Variants in TENM4 observed in about 807,000 individuals in gnomAD.
The protein encoded by TENM4 is teneurin-4.
A neutral mutation model predicts 243.3 loss-of-function variants in TENM4; 82 were observed. The ratio of observed to expected loss-of-function variants is 0.34; its 90% CI spans 0.28 to 0.40. The LOEUF (loss-of-function observed/expected upper bound fraction) is 0.40. TENM4 is among the 10% of genes least tolerant of loss of function. The pLI is 1.00. For missense variants in TENM4, 3,138 were observed against 3,673.3 expected (o/e 0.85, Z 3.77); for synonymous variants, 1,412 against 1,456.3 (o/e 0.97, Z 0.69).
At chr11:79,056,308 A>G (rs1212738827) in intron 6 of TENM4, among the ~76,000 whole-genome samples, 1 of 152,114 alleles carries the variant, frequency 6.6e-6, no homozygotes, top group South Asian at 2.1e-4. Context: ...TTAATTTACC[A>G]TGGCTCTGAG....
chr11:79,304,719 G>A (rs2135403709), intron 1 of TENM4, among the ~76,000 whole-genome samples: 1 of 152,274 alleles, frequency 6.6e-6, no homozygotes, highest in Non-Finnish European at 1.5e-5. Context: ...GGCCAAAAGT[G>A]AAATCCTAAT....
chr11:79,362,007 G>A (rs1433033172), intron 1 of TENM4, among the ~76,000 whole-genome samples: 1 of 152,184 alleles, frequency 6.6e-6, no homozygotes, highest in Admixed American at 6.5e-5. Context: ...ACAAGTATCA[G>A]ATGTTGGAGC....
At chr11:79,326,431 T>A (rs2135436562) in intron 1 of TENM4, among the ~76,000 whole-genome samples, 1 of 152,272 alleles carries the variant, frequency 6.6e-6, no homozygotes, top group South Asian at 2.1e-4. Context: ...TCTCAAAGGC[T>A]TCCTTTTCTG....
chr11:79,373,326 C>CTGGA lies in TENM4; in HGVS notation c.-321+67182_-321+67183insTCCA, dbSNP rs1265923072. On this transcript the variant is annotated intron_variant, in intron 1 of 33. Coordinates refer to ENST00000278550, the MANE Select transcript of TENM4 (RefSeq NM_001098816.3). The stretch of plus-strand genomic sequence containing the variant: ...GCTGGCTGGCTGGCTGGCTGGCTGG[C>CTGGA]TGGCTGGATGGATGGATGGATGGAT... Among the ~76,000 whole-genome samples, 72 of 98,294 alleles carry CTGGA rather than the reference C, an allele frequency of 7.3e-4. 1 individual carries two copies. Among genetic ancestry groups the CTGGA allele is most frequent in the Non-Finnish European group, 1.4e-3 (66 of 46,838 alleles). The allele number at this position is 98,294 out of a possible 152,430, so 64.5% of individuals were successfully genotyped here.
chr11:79,119,943 C>T (rs1420490350), intron 4 of TENM4, among the ~76,000 whole-genome samples: 3 of 152,172 alleles, frequency 2.0e-5, no homozygotes, highest in Non-Finnish European at 2.9e-5. Context: ...GAATTATCTA[C>T]CCCAGCCTGA....
intron 25 of TENM4, among the ~76,000 whole-genome samples, chr11:78,713,275 AT>A (rs1859443358): frequency 6.6e-6 from 1 of 152,214 alleles, no homozygotes; most frequent in Admixed American, 6.5e-5. Flanking sequence ...TGTTACACTT[AT>A]CAGGAGCCCA....
intron 9 of TENM4, among the ~76,000 whole-genome samples, chr11:78,883,665 C>G (rs1203656154): frequency 6.6e-6 from 1 of 152,250 alleles, no homozygotes; most frequent in African/African-American, 2.4e-5. Context: ...TAATCTGAGG[C>G]TCTTCTGCAG....
intron 4 of TENM4, among the ~76,000 whole-genome samples, chr11:79,122,308 C>T (rs770062336): frequency 2.6e-5 from 4 of 152,096 alleles, no homozygotes; most frequent in African/African-American, 7.2e-5. Context: ...TTATATTTGT[C>T]GGGCACTGTT....
At position 79,221,729 on chromosome 11, in the gene TENM4, G is replaced by A. The variant is rs142803653; in HGVS notation, c.-264-5820C>T. On this transcript the variant is annotated intron_variant, in intron 2 of 33. Coordinates refer to ENST00000278550, the MANE Select transcript of TENM4 (RefSeq NM_001098816.3). ...CGGTGAGCAGCTGCATATTTTTAAT[G>A]CACACAAGGGGAAATAAAGGCAGCA... 1.5e-3 allele frequency among the ~76,000 whole-genome samples: 222 copies of A among 152,286 alleles called. 1 individual carries two copies. The highest frequency in any genetic ancestry group is 5.2e-3 in the African/African-American group (215 of 41,546).
At chr11:78,714,411 G>A (rs548283124) in intron 25 of TENM4, among the ~76,000 whole-genome samples, 242 of 139,026 alleles carry the variant, frequency 1.7e-3, no homozygotes, top group African/African-American at 7.1e-3. Flanking sequence ...CAGATCCAAT[G>A]CTTTCCTTCT....
At position 79,308,132 on chromosome 11, in the gene TENM4, C is replaced by T. The variant is rs75924069; in HGVS notation, c.-320-10589G>A. Among the ~76,000 whole-genome samples the T allele has an allele frequency of 2.7e-3, 414 of 152,342 alleles. 3 individuals are homozygous for T. The highest frequency in any genetic ancestry group is 9.4e-3 in the African/African-American group (390 of 41,582). The stretch of plus-strand genomic sequence containing the variant: ...GAGCTTGGCACTGAATGAGGAGCCA[C>T]GGGCCTAATCCTCAAGGAGTCTGGA... On this transcript the variant is annotated intron_variant, in intron 1 of 33. Coordinates refer to ENST00000278550, the MANE Select transcript of TENM4 (RefSeq NM_001098816.3).
intron 12 of TENM4, among the ~76,000 whole-genome samples, chr11:78,814,630 A>G (rs769848425): frequency 6.6e-6 from 1 of 152,230 alleles, no homozygotes; most frequent in Non-Finnish European, 1.5e-5. Flanking sequence ...AATTTTTATA[A>G]ATCAAATTTG....
At chr11:78,854,745 C>T (rs943580195) in intron 11 of TENM4, among the ~76,000 whole-genome samples, 7 of 151,992 alleles carry the variant, frequency 4.6e-5, no homozygotes, top group Non-Finnish European at 1.0e-4. Context: ...AGGCGGGTGG[C>T]TGGGACTGGG....
intron 3 of TENM4, among the ~76,000 whole-genome samples, chr11:79,209,615 G>C (rs1303251979): frequency 6.6e-6 from 1 of 152,224 alleles, no homozygotes; most frequent in Non-Finnish European, 1.5e-5. Flanking sequence ...TCTGAGTAGA[G>C]ACTGGAGGTG....
chr11:79,246,163 T>G (rs1319017543), intron 2 of TENM4, among the ~76,000 whole-genome samples: 1 of 152,062 alleles, frequency 6.6e-6, no homozygotes, highest in East Asian at 1.9e-4. Context: ...GCTCAATAAG[T>G]GTTAGCTGTT....
chr11:78,955,508 T>C (rs1857190787), intron 6 of TENM4, among the ~76,000 whole-genome samples: 2 of 152,158 alleles, frequency 1.3e-5, no homozygotes, highest in African/African-American at 4.8e-5. Context: ...CCTGGACACA[T>C]AGCTAATGTG....
At chr11:78,796,372 G>C (rs1030300941) in intron 15 of TENM4, among the ~76,000 whole-genome samples, 1 of 152,040 alleles carries the variant, frequency 6.6e-6, no homozygotes, top group Non-Finnish European at 1.5e-5. Flanking sequence ...GTGTATTTTC[G>C]GCCAGGACTG....
At chr11:79,069,672 G>A (rs1194145233) in intron 5 of TENM4, 50 bp downstream of exon 5, 1 of 1,514,128 alleles carries the variant, frequency 6.6e-7, no homozygotes, top group Non-Finnish European at 8.9e-7. Context: ...ATGCCTACCT[G>A]AGCCAAGCTC....
At chr11:79,053,749 T>C (rs1859863813) in intron 6 of TENM4, among the ~76,000 whole-genome samples, 2 of 152,166 alleles carry the variant, frequency 1.3e-5, no homozygotes, top group Non-Finnish European at 2.9e-5. Flanking sequence ...AGATATTTTG[T>C]GGGGTATGGG....
Sources: allele counts gnomAD v4.1 joint callset (sites outside exome capture counted in the v4.1 genomes callset), GRCh38; gene constraint gnomAD v4.1.1; transcripts MANE v1.5; gene names NCBI Gene and HGNC (gene_info 2026-07-23, HGNC 2026-07-21).